FHOD3: variants seen among roughly 807,000 people sequenced by gnomAD.
The protein encoded by FHOD3 is FH1/FH2 domain-containing protein 3.
In FHOD3, 90 loss-of-function variants were observed where a neutral mutation model predicts 173.0. The ratio of observed to expected loss-of-function variants is 0.52; its 90% CI spans 0.44 to 0.62. FHOD3 has a LOEUF of 0.62. FHOD3 is among the 20% of genes least tolerant of loss of function. The probability of loss-of-function intolerance (pLI) is 0.00; values close to 1 mark genes in which losing one functional copy is unlikely to be tolerated. For synonymous variants in FHOD3, 828 were observed against 823.0 expected (o/e 1.01, Z -0.10); for missense variants, 1,945 against 2,034.7 (o/e 0.96, Z 0.85).
chr18:36,316,369 C>T (rs12962027), intron 1 of FHOD3, among the ~76,000 whole-genome samples: 1 of 152,124 alleles, frequency 6.6e-6, no homozygotes, highest in Admixed American at 6.5e-5. Context: ...AACTGGAGCT[C>T]CTCTAGAGGG....
At chr18:36,481,977 G>A (rs531804666) in intron 3 of FHOD3, among the ~76,000 whole-genome samples, 1 of 152,252 alleles carries the variant, frequency 6.6e-6, no homozygotes, top group South Asian at 2.1e-4. Flanking sequence ...AAGGAATTAG[G>A]CAGAAGGTAT....
intron 9 of FHOD3, among the ~76,000 whole-genome samples, chr18:36,622,371 T>C (rs1247466707): frequency 6.6e-6 from 1 of 152,212 alleles, no homozygotes; most frequent in African/African-American, 2.4e-5. Flanking sequence ...AAAAAATTCT[T>C]AAGAATGTTC....
intron 5 of FHOD3, among the ~76,000 whole-genome samples, chr18:36,553,096 G>C (rs1242961618): frequency 6.6e-6 from 1 of 152,094 alleles, no homozygotes; most frequent in Non-Finnish European, 1.5e-5. Context: ...TTTGTCTTTG[G>C]TTCTATTTAT....
At chr18:36,554,916 A>C (rs1440417796) in intron 5 of FHOD3, among the ~76,000 whole-genome samples, 3 of 152,150 alleles carry the variant, frequency 2.0e-5, no homozygotes, top group Non-Finnish European at 2.9e-5. Context: ...AGTTGTAATA[A>C]TCTCATTTCT....
At chr18:36,482,878 G>C (rs1447274682) in intron 3 of FHOD3, among the ~76,000 whole-genome samples, 14 of 150,464 alleles carry the variant, frequency 9.3e-5, no homozygotes, top group South Asian at 2.1e-4. Flanking sequence ...GAGAGAGAGA[G>C]AGAGAGAGAG....
intron 9 of FHOD3, among the ~76,000 whole-genome samples, chr18:36,620,983 A>G (rs1001666939): frequency 2.0e-5 from 3 of 152,176 alleles, no homozygotes; most frequent in African/African-American, 7.2e-5. Context: ...CCTAATAGAG[A>G]AGGACATCTG....
chr18:36,451,496 A>G (rs1488929877), intron 3 of FHOD3, among the ~76,000 whole-genome samples: 1 of 152,242 alleles, frequency 6.6e-6, no homozygotes, highest in Non-Finnish European at 1.5e-5. Context: ...CAAAGCTGCC[A>G]GAGGGCAACA....
Position 36,779,699 on chromosome 18 carries a change from C to T in FHOD3, c.*169C>T. ...GCTTGTGTTGCCTGCTACGCATTGA[C>T]TTGGATCTCCAGGAGTCCCCTGCAC... is the stretch of plus-strand genomic sequence containing the variant. On this transcript the variant is annotated 3_prime_UTR_variant, in exon 29 of 29. Transcript: ENST00000590592. The T allele has an allele frequency of 4.8e-6, 3 of 626,920 alleles. No homozygotes were observed. The highest frequency in any genetic ancestry group is 8.5e-6 in the Non-Finnish European group (3 of 354,324). The allele number at this position is 626,920 out of a possible 1,614,324, so 38.8% of individuals were successfully genotyped here.
chr18:36,325,356 T>TATAGA (rs1450548982), intron 1 of FHOD3, among the ~76,000 whole-genome samples: 1 of 152,230 alleles, frequency 6.6e-6, no homozygotes, highest in Non-Finnish European at 1.5e-5. Context: ...AAGCAATTGG[T>TATAGA]ATAGAATACC....
At chr18:36,456,254 T>C (rs1273593446) in intron 3 of FHOD3, among the ~76,000 whole-genome samples, 3 of 152,130 alleles carry the variant, frequency 2.0e-5, no homozygotes, top group Admixed American at 6.5e-5. Context: ...TGACCTTTCA[T>C]GATCTGTGAC....
At chr18:36,753,383 T>C (rs1343177881) in intron 24 of FHOD3, among the ~76,000 whole-genome samples, 1 of 152,244 alleles carries the variant, frequency 6.6e-6, no homozygotes, top group African/African-American at 2.4e-5. Context: ...ATAGGGCTAG[T>C]CGTCCAGGGC....
intron 3 of FHOD3, among the ~76,000 whole-genome samples, chr18:36,413,610 A>C (rs1189171288): frequency 6.6e-6 from 1 of 152,162 alleles, no homozygotes; most frequent in Non-Finnish European, 1.5e-5. Flanking sequence ...TGCACCCCTC[A>C]TGTTAGGCAG....
At chr18:36,570,801 G>A (rs896175177) in intron 5 of FHOD3, among the ~76,000 whole-genome samples, 1 of 152,118 alleles carries the variant, frequency 6.6e-6, no homozygotes, top group Non-Finnish European at 1.5e-5. Context: ...AGAAGCATTT[G>A]ACAAAATTCA....
intron 3 of FHOD3, among the ~76,000 whole-genome samples, chr18:36,489,567 GA>G (rs1303024139): frequency 6.6e-6 from 1 of 152,126 alleles, no homozygotes; most frequent in Non-Finnish European, 1.5e-5. Flanking sequence ...AGCTACTTGG[GA>G]CGCTAAGGTG....
intron 3 of FHOD3, among the ~76,000 whole-genome samples, chr18:36,444,598 C>T (rs920156521): frequency 2.0e-5 from 3 of 152,116 alleles, no homozygotes; most frequent in Admixed American, 1.3e-4. Context: ...TAACTAGTCT[C>T]CTTTCTGGTT....
intron 5 of FHOD3, among the ~76,000 whole-genome samples, chr18:36,563,992 C>A (rs1370225910): frequency 1.3e-5 from 2 of 152,094 alleles, no homozygotes; most frequent in Non-Finnish European, 2.9e-5. Flanking sequence ...GGGACAGATG[C>A]CCTAAGTGTA....
At chr18:36,439,559 G>GTA (rs2051014498) in intron 3 of FHOD3, among the ~76,000 whole-genome samples, 1 of 146,364 alleles carries the variant, frequency 6.8e-6, no homozygotes, top group East Asian at 1.9e-4. Flanking sequence ...GTGTGTGTGT[G>GTA]TGTGTGTGTA....
chr18:36,652,613 G>C lies in FHOD3; in HGVS notation c.1330G>C (p.Ala444Pro). Residue 444 changes from alanine (A) to proline (P), a missense_variant, in exon 12 of 29, where the codon GCT (alanine) becomes CCT (proline). By Grantham distance (27) the Ala-to-Pro change is conservative. This residue lies in a region of FHOD3 where 1,099 missense variants were observed against 1,051.2 expected (regional missense o/e 1.05). Coordinates refer to ENST00000590592, the MANE Select transcript of FHOD3 (RefSeq NM_001281740.3). ...AGGGCAGAGCCCCACTGGAAGGGAT[G>C]CTGCTCCCAAGAGCTCTGCCCTCCC... ...ASGQSPTGRD[A>P]APKSSALPAV... 1.3e-6 allele frequency: 2 copies of C among 1,534,960 alleles called. No individual in the cohort carries two copies. Among genetic ancestry groups the C allele is most frequent in the Non-Finnish European group, 1.7e-6 (2 of 1,146,646 alleles).
At chr18:36,538,996 T>G (rs1168461051) in intron 5 of FHOD3, among the ~76,000 whole-genome samples, 1 of 152,214 alleles carries the variant, frequency 6.6e-6, no homozygotes, top group Non-Finnish European at 1.5e-5. Flanking sequence ...GAAGAGTACC[T>G]GGGATCTCAC....
Sources: gnomAD v4.1 joint callset for allele counts (sites outside exome capture counted in the v4.1 genomes callset) on GRCh38, gnomAD v4.1.1 for gene constraint, gnomAD v4.1.1 regional missense constraint, MANE v1.5 for transcripts, NCBI Gene and HGNC (gene_info 2026-07-23, HGNC 2026-07-21) for gene names.